The following LYPD6B variants were observed in gnomAD, a reference collection of about 807,000 sequenced individuals.
LYPD6B encodes the protein LY6/PLAUR domain containing 6B.
Under a neutral mutation model 22.8 loss-of-function variants are expected in LYPD6B, and 17 were observed. The ratio of observed to expected loss-of-function variants is 0.75; its 90% CI spans 0.51 to 1.12. LYPD6B has a LOEUF of 1.12. Ranked by LOEUF, LYPD6B falls within the 50% of genes most tolerant of loss-of-function variation. The probability of loss-of-function intolerance (pLI) is 0.00; values close to 1 mark genes in which losing one functional copy is unlikely to be tolerated. For missense variants in LYPD6B, 221 were observed against 258.3 expected (o/e 0.86, Z 0.99); for synonymous variants, 106 against 91.6 (o/e 1.16, Z -0.90).
At chr2:149,203,304 C>T (rs906213278) in intron 3 of LYPD6B, among the ~76,000 whole-genome samples, 7 of 152,192 alleles carry the variant, frequency 4.6e-5, no homozygotes, top group Admixed American at 3.9e-4. Flanking sequence ...TAGGCCTTCT[C>T]TCCATATTAT....
chr2:149,158,135 C>T (rs1324747677), intron 2 of LYPD6B, among the ~76,000 whole-genome samples: 3 of 152,154 alleles, frequency 2.0e-5, no homozygotes, highest in Non-Finnish European at 4.4e-5. Flanking sequence ...GATTCTGAAA[C>T]TAGGATTTGT....
intron 1 of LYPD6B, among the ~76,000 whole-genome samples, chr2:149,106,699 G>A (rs1190218856): frequency 6.6e-6 from 1 of 152,010 alleles, no homozygotes; most frequent in Non-Finnish European, 1.5e-5. Context: ...TGTATGGAAG[G>A]TTATGAAATG....
intron 1 of LYPD6B, among the ~76,000 whole-genome samples, chr2:149,063,504 T>C (rs1006454532): frequency 6.6e-6 from 1 of 152,244 alleles, no homozygotes; most frequent in Non-Finnish European, 1.5e-5. Context: ...GATTTGTTGA[T>C]AATGTCTGAC....
intron 1 of LYPD6B, among the ~76,000 whole-genome samples, chr2:149,060,929 G>A (rs533706907): frequency 4.6e-5 from 7 of 152,242 alleles, no homozygotes; most frequent in Non-Finnish European, 7.4e-5. Flanking sequence ...GGCATGCTTG[G>A]TACCCCAAGG....
At chr2:149,203,086 C>T (rs1003314176) in intron 3 of LYPD6B, among the ~76,000 whole-genome samples, 32 of 152,132 alleles carry the variant, frequency 2.1e-4, no homozygotes, top group African/African-American at 7.0e-4. Context: ...ATGCACTCAG[C>T]GCGTGCAAAC....
intron 1 of LYPD6B, among the ~76,000 whole-genome samples, chr2:149,100,192 C>T (rs1686124781): frequency 6.6e-6 from 1 of 151,896 alleles, no homozygotes; most frequent in South Asian, 2.1e-4. Flanking sequence ...GAACATAGCC[C>T]CTTGTCTTTT....
At chr2:149,201,986 C>A (rs1301077798) in intron 3 of LYPD6B, among the ~76,000 whole-genome samples, 1 of 152,168 alleles carries the variant, frequency 6.6e-6, no homozygotes, top group African/African-American at 2.4e-5. Context: ...AGGGTTCCTA[C>A]AGTGCTATTT....
At chr2:149,163,996 C>T (rs1223566062) in intron 3 of LYPD6B, among the ~76,000 whole-genome samples, 1 of 152,040 alleles carries the variant, frequency 6.6e-6, no homozygotes, top group Non-Finnish European at 1.5e-5. Flanking sequence ...AGGACGTAGG[C>T]AAATAAGAGA....
chr2:149,065,209 A>G (rs1684267636), intron 1 of LYPD6B, among the ~76,000 whole-genome samples: 1 of 152,226 alleles, frequency 6.6e-6, no homozygotes, highest in Admixed American at 6.5e-5. Context: ...GACATCCAAC[A>G]AAATCATTGT....
At position 149,136,839 on chromosome 2, in the gene LYPD6B, G is replaced by A. The variant is rs185802876; in HGVS notation, c.5+5886G>A. 3.0e-3 allele frequency among the ~76,000 whole-genome samples: 459 copies of A among 152,330 alleles called. 3 individuals carry two copies. Among genetic ancestry groups the A allele is most frequent in the African/African-American group, 7.3e-3 (302 of 41,580 alleles). On this transcript the variant is annotated intron_variant, in intron 2 of 6. Coordinates refer to ENST00000409642, the MANE Select transcript of LYPD6B (RefSeq NM_177964.5). ...GCTTATTCTATGAAGAGGGAACAGT[G>A]CTAAGGAGTACAAAGATGTAGTTGC...
intron 1 of LYPD6B, among the ~76,000 whole-genome samples, chr2:149,095,189 A>G (rs1381632990): frequency 2.6e-5 from 4 of 152,152 alleles, no homozygotes; most frequent in Non-Finnish European, 5.9e-5. Flanking sequence ...TCAGCTACTC[A>G]GGAGGCTGAG....
At chr2:149,077,697 A>G (rs1684940289) in intron 1 of LYPD6B, 1 of 152,240 alleles carries the variant, frequency 6.6e-6, no homozygotes, top group South Asian at 2.1e-4. Context: ...CCCCAATTTT[A>G]AGCTCACTTT....
At chr2:149,113,146 T>C (rs1686840660) in intron 1 of LYPD6B, among the ~76,000 whole-genome samples, 1 of 152,206 alleles carries the variant, frequency 6.6e-6, no homozygotes, top group South Asian at 2.1e-4. Context: ...TTTCATCTGC[T>C]CCCTAAGTTG....
intron 1 of LYPD6B, among the ~76,000 whole-genome samples, chr2:149,109,081 T>G (rs551396102): frequency 2.0e-5 from 3 of 152,262 alleles, no homozygotes; most frequent in Admixed American, 2.0e-4. Context: ...TTAAAAAGAG[T>G]TAAATAATAA....
At chr2:149,153,475 A>T (rs1291602127) in intron 2 of LYPD6B, among the ~76,000 whole-genome samples, 6 of 147,668 alleles carry the variant, frequency 4.1e-5, no homozygotes, top group Non-Finnish European at 8.9e-5. Context: ...AAACTGGGAG[A>T]ATAGTTAAGA....
intron 3 of LYPD6B, among the ~76,000 whole-genome samples, chr2:149,171,804 C>A (rs1690845104): frequency 6.6e-6 from 1 of 152,070 alleles, no homozygotes; most frequent in Non-Finnish European, 1.5e-5. Context: ...CTGAAATTTG[C>A]TCTGTGATTT....
chr2:149,182,650 C>A (rs1299797615), intron 3 of LYPD6B, among the ~76,000 whole-genome samples: 3 of 152,196 alleles, frequency 2.0e-5, no homozygotes, highest in Non-Finnish European at 4.4e-5. Flanking sequence ...CTTGAATCAG[C>A]ACTGCCTCTC....
intron 3 of LYPD6B, among the ~76,000 whole-genome samples, chr2:149,195,001 G>A (rs919621987): frequency 6.6e-6 from 1 of 152,204 alleles, no homozygotes; most frequent in Admixed American, 6.5e-5. Flanking sequence ...TAATTTCCAC[G>A]TGGGTAACTT....
intron 1 of LYPD6B, among the ~76,000 whole-genome samples, chr2:149,124,089 C>T (rs1015792816): frequency 6.6e-6 from 1 of 152,212 alleles, no homozygotes. Context: ...TGTAACCAAA[C>T]AGCATACTGA....
Sources: gnomAD v4.1 joint callset for allele counts (sites outside exome capture counted in the v4.1 genomes callset) on GRCh38, gnomAD v4.1.1 for gene constraint, MANE v1.5 for transcripts, NCBI Gene and HGNC (gene_info 2026-07-23, HGNC 2026-07-21) for gene names.